The following KLF17 variants were observed in gnomAD, a reference collection of about 807,000 sequenced individuals.
KLF17 encodes the protein KLF transcription factor 17, also known as Krueppel-like factor 17.
Under a neutral mutation model 34.2 loss-of-function variants are expected in KLF17, and 31 were observed. The ratio of observed to expected loss-of-function variants is 0.91; its 90% CI spans 0.68 to 1.22. The LOEUF is 1.22. Ranked by LOEUF, KLF17 falls within the 50% of genes most tolerant of loss-of-function variation. KLF17 has a pLI of 0.00. For missense variants in KLF17, 478 were observed against 505.2 expected, an observed-to-expected ratio of 0.95 and a Z score of 0.52; for synonymous variants, 179 against 186.7, an observed-to-expected ratio of 0.96 and a Z score of 0.34.
the KLF17 span, among the ~76,000 whole-genome samples, chr1:44,084,282 G>A: frequency 6.6e-6 from 1 of 152,172 alleles, no homozygotes; most frequent in Non-Finnish European, 1.5e-5. Flanking sequence ...TGGGATTAGT[G>A]TGTCAGTAAG....
the KLF17 span, among the ~76,000 whole-genome samples, chr1:44,058,166 C>T: frequency 6.6e-6 from 1 of 152,202 alleles, no homozygotes; most frequent in Non-Finnish European, 1.5e-5. Flanking sequence ...CATCTTCACC[C>T]CTCCTGGAGA....
At chr1:44,103,638 A>C in the KLF17 span, 7 of 1,610,258 alleles carry the variant, frequency 4.3e-6, no homozygotes, top group Middle Eastern at 2.0e-4. Context: ...GGCCAGCTTG[A>C]CGTTCATCAG....
the KLF17 span, among the ~76,000 whole-genome samples, chr1:44,103,011 T>C: frequency 6.6e-6 from 1 of 152,240 alleles, no homozygotes; most frequent in Non-Finnish European, 1.5e-5. Flanking sequence ...TTCGCCAGAA[T>C]GCTTATATGA....
chr1:44,119,486 G>T (rs916147301), intron 1 of KLF17, among the ~76,000 whole-genome samples: 2 of 151,750 alleles, frequency 1.3e-5, no homozygotes, highest in African/African-American at 4.8e-5. Flanking sequence ...ATACAATGAT[G>T]AATTTACCAT....
chr1:44,127,708 C>CTTTCTTCTCT (rs1387698876), intron 1 of KLF17, among the ~76,000 whole-genome samples: 1 of 96,578 alleles, frequency 1.0e-5, no homozygotes, highest in East Asian at 2.7e-4. Context: ...TTCTTTCTTT[C>CTTTCTTCTCT]TTTCTTCTCT....
chr1:44,129,437 C>G lies in KLF17; in HGVS notation c.166C>G (p.Pro56Ala). ...GVHTSWNQGLPSIQHFPHSAE... is the reference protein window; with the variant it reads ...GVHTSWNQGLASIQHFPHSAE... ...GCACACCTCTTGGAACCAAGGCCTA[C>G]CAAGCATTCAGCACTTTCCTCACAG... The change falls in exon 2 of 4, where the codon CCA becomes GCA. Residue 56 changes from proline to alanine, a missense_variant. By Grantham distance (27) the Pro-to-Ala change is conservative (BLOSUM62 -1). Transcript: ENST00000372299. 6.3e-7 allele frequency: 1 copy of G among 1,593,174 alleles called. No individual in the cohort carries two copies. The highest frequency in any genetic ancestry group is 8.6e-7 in the Non-Finnish European group (1 of 1,168,598).
chr1:44,122,587 G>A, intron 1 of KLF17: 1 of 728,120 alleles, frequency 1.4e-6, no homozygotes, highest in Non-Finnish European at 2.5e-6. Flanking sequence ...ACTGCAGTAT[G>A]AATGGCCGTT....
the KLF17 span, chr1:44,046,179 C>T: frequency 6.8e-6 from 1 of 147,102 alleles, no homozygotes; most frequent in African/African-American, 2.5e-5. Context: ...ATCATACATT[C>T]ATTGGGTACT....
chr1:44,132,697 G>T (rs1438641194), intron 3 of KLF17, among the ~76,000 whole-genome samples: 1 of 149,018 alleles, frequency 6.7e-6, no homozygotes, highest in African/African-American at 2.5e-5. Context: ...GCCTGGGGCA[G>T]ATAAAGATGA....
chr1:44,052,146 C>T, the KLF17 span: 3 of 152,242 alleles, frequency 2.0e-5, no homozygotes, highest in African/African-American at 7.2e-5. Context: ...GAGCCTTAGG[C>T]ATTACCTGTC....
intron 1 of KLF17, among the ~76,000 whole-genome samples, chr1:44,127,760 TTCTTC>T (rs1483211998): frequency 9.4e-5 from 14 of 149,472 alleles, no homozygotes; most frequent in African/African-American, 2.7e-4. Flanking sequence ...TTTTCTTTCT[TTCTTC>T]TCTTCTTTCT....
the KLF17 span, among the ~76,000 whole-genome samples, chr1:44,101,329 A>G: frequency 1.3e-5 from 2 of 152,216 alleles, no homozygotes; most frequent in African/African-American, 2.4e-5. Flanking sequence ...AATTTTTCCA[A>G]TTGTCCTAAT....
chr1:44,068,310 G>A, the KLF17 span, among the ~76,000 whole-genome samples: 1 of 152,160 alleles, frequency 6.6e-6, no homozygotes, highest in South Asian at 2.1e-4. Context: ...GAGCCACTGC[G>A]CCCAGCCCCT....
chr1:44,102,194 C>T, the KLF17 span, among the ~76,000 whole-genome samples: 9 of 152,050 alleles, frequency 5.9e-5, no homozygotes, highest in Non-Finnish European at 7.4e-5. Context: ...TTAAAAGATT[C>T]TCAGAGTAGA....
At chr1:44,099,215 G>A in the KLF17 span, among the ~76,000 whole-genome samples, 3 of 150,042 alleles carry the variant, frequency 2.0e-5, no homozygotes, top group South Asian at 2.1e-4. Flanking sequence ...ACCAGCCTGG[G>A]CAACACCATC....
the KLF17 span, among the ~76,000 whole-genome samples, chr1:44,086,844 A>G: frequency 6.6e-6 from 1 of 152,190 alleles, no homozygotes; most frequent in Admixed American, 6.5e-5. Flanking sequence ...GAGAGTTAGG[A>G]TGGAACATGT....
At chr1:44,121,237 C>T (rs550116510) in intron 1 of KLF17, among the ~76,000 whole-genome samples, 6 of 152,268 alleles carry the variant, frequency 3.9e-5, no homozygotes, top group Admixed American at 2.0e-4. Flanking sequence ...GTGCCTCAGC[C>T]TCCCAAGTAG....
the KLF17 span, among the ~76,000 whole-genome samples, chr1:44,058,416 G>A: frequency 6.6e-6 from 1 of 151,902 alleles, no homozygotes; most frequent in African/African-American, 2.4e-5. Flanking sequence ...TCAGGCTCCC[G>A]AGTAGCTGGG....
At chr1:44,128,107 G>T (rs2088049861) in intron 1 of KLF17, among the ~76,000 whole-genome samples, 1 of 152,042 alleles carries the variant, frequency 6.6e-6, no homozygotes, top group Admixed American at 6.6e-5. Context: ...TTGAGACAGA[G>T]TCTCACTCTG....
Sources: gnomAD v4.1 joint callset for allele counts (sites outside exome capture counted in the v4.1 genomes callset) on GRCh38, gnomAD v4.1.1 for gene constraint, MANE v1.5 for transcripts, NCBI Gene and HGNC (gene_info 2026-07-23, HGNC 2026-07-21) for gene names.